The following VIPR2 variants were observed in gnomAD, a reference collection of about 807,000 sequenced individuals.
The protein encoded by VIPR2 is vasoactive intestinal peptide receptor 2, also known as vasoactive intestinal polypeptide receptor 2.
Under a neutral mutation model 58.0 loss-of-function variants are expected in VIPR2, and 48 were observed. That is an observed-to-expected ratio of 0.83 (90% CI 0.66 to 1.05). The LOEUF is 1.05. Ranked by LOEUF, VIPR2 falls within the 50% of genes least tolerant of loss-of-function variation. The pLI is 0.00. For synonymous variants in VIPR2, 243 were observed against 235.2 expected, an observed-to-expected ratio of 1.03 and a Z score of -0.30; for missense variants, 534 against 558.0, an observed-to-expected ratio of 0.96 and a Z score of 0.43.
chr7:159,117,605 G>A (rs1416570227), intron 2 of VIPR2, among the ~76,000 whole-genome samples: 6 of 152,216 alleles, frequency 3.9e-5, no homozygotes, highest in East Asian at 1.9e-4. Flanking sequence ...AGCTCTGGGA[G>A]GTGGTGCCCT....
intron 4 of VIPR2, among the ~76,000 whole-genome samples, chr7:159,069,133 G>T (rs1188111387): frequency 6.6e-6 from 1 of 152,150 alleles, no homozygotes; most frequent in Non-Finnish European, 1.5e-5. Context: ...CAGGCTCCTG[G>T]CTGTGCGGTG....
At chr7:159,137,625 T>G (rs187319235) in intron 2 of VIPR2, among the ~76,000 whole-genome samples, 1 of 152,268 alleles carries the variant, frequency 6.6e-6, no homozygotes. Flanking sequence ...CCTGCCTCGA[T>G]CTCCCAAAGT....
chr7:159,034,157 T>C (rs1853763311), intron 10 of VIPR2, 56 bp downstream of exon 10: 13 of 1,569,184 alleles, frequency 8.3e-6, no homozygotes, highest in Non-Finnish European at 1.1e-5. Context: ...CGTGGGGGTC[T>C]CCTGTCTCCA....
intron 2 of VIPR2, among the ~76,000 whole-genome samples, chr7:159,112,764 A>C (rs1380355315): frequency 8.6e-5 from 11 of 127,688 alleles, no homozygotes; most frequent in East Asian, 2.9e-4. Context: ...TGTGAGAAGG[A>C]GGCTCATGGC....
intron 2 of VIPR2, among the ~76,000 whole-genome samples, chr7:159,116,305 T>C (rs778646227): frequency 1.3e-5 from 2 of 152,194 alleles, no homozygotes; most frequent in Non-Finnish European, 2.9e-5. Context: ...TAGCCACACA[T>C]AACCAGGAGC....
At chr7:159,090,009 G>A (rs925981610) in intron 4 of VIPR2, among the ~76,000 whole-genome samples, 1 of 152,234 alleles carries the variant, frequency 6.6e-6, no homozygotes, top group Non-Finnish European at 1.5e-5. Context: ...AGACATGCTG[G>A]GATCACGCAC....
intron 4 of VIPR2, among the ~76,000 whole-genome samples, chr7:159,094,845 C>T (rs1857736974): frequency 1.3e-5 from 2 of 152,156 alleles, no homozygotes; most frequent in Non-Finnish European, 2.9e-5. Context: ...GAAACAGAGA[C>T]ATTTGGAGCT....
intron 5 of VIPR2, among the ~76,000 whole-genome samples, chr7:159,043,429 A>G (rs1438868475): frequency 2.0e-5 from 3 of 152,266 alleles, no homozygotes; most frequent in Non-Finnish European, 4.4e-5. Context: ...TAGCAAATAC[A>G]TACTGAATTT....
In VIPR2 at chr7:159,129,896, GGGGGGGACAGGGCT is replaced by G. The variant is rs1796823215; in HGVS notation, c.151+12536_151+12549del. On this transcript the variant is annotated intron_variant, in intron 2 of 12. Coordinates refer to ENST00000262178, the MANE Select transcript of VIPR2 (RefSeq NM_003382.5). Reference sequence around the variant, plus strand: ...ACTCTGTTCCCTCAAACTGGCCTCTGGGGGGGACAGGGCTGGGGGGACAGGGCCAGGTGACCAGC... The same window carrying G: ...ACTCTGTTCCCTCAAACTGGCCTCTGGGGGGGACAGGGCCAGGTGACCAGC... Among the ~76,000 whole-genome samples, 5 of 86,188 alleles carry G rather than the reference GGGGGGGACAGGGCT, an allele frequency of 5.8e-5. 1 individual carries two copies. The highest frequency in any genetic ancestry group is 2.6e-4 in the African/African-American group (3 of 11,680). The allele number at this position is 86,188 out of a possible 152,430, so 56.5% of individuals were successfully genotyped here. A position where few individuals can be genotyped will look rare whatever the true frequency, so the allele number is the denominator to read the frequency against.
chr7:159,065,072 C>T (rs530763731), intron 4 of VIPR2, among the ~76,000 whole-genome samples: 1 of 152,296 alleles, frequency 6.6e-6, no homozygotes, highest in Non-Finnish European at 1.5e-5. Context: ...AATCACAACA[C>T]GGTGTTGGAA....
rs572989961 is a variant in VIPR2, at chr7:159,102,479, T to C, written c.357+1278A>G. 2.0e-5 allele frequency among the ~76,000 whole-genome samples: 3 copies of C among 152,346 alleles called. No individual in the cohort carries two copies. The East Asian group carries it at 5.8e-4, about 29-fold the overall frequency. ...ATCAGCAGTGTGATAATGACCCATA[T>C]ACCATGGGTCAGGAGTTTTACCTTC... On this transcript the variant is annotated intron_variant, in intron 4 of 12. Coordinates refer to ENST00000262178, the MANE Select transcript of VIPR2 (RefSeq NM_003382.5).
Position 159,095,372 on chromosome 7 carries a change from C to A in VIPR2, c.357+8385G>T, listed in dbSNP as rs149836365. Among the ~76,000 whole-genome samples, 1 of 152,250 alleles carries A rather than the reference C, an allele frequency of 6.6e-6. No individual in the cohort carries two copies. Among genetic ancestry groups the A allele is most frequent in the East Asian group, 1.9e-4 (1 of 5,174 alleles). On this transcript the variant is annotated intron_variant, in intron 4 of 12. Coordinates refer to ENST00000262178, the MANE Select transcript of VIPR2 (RefSeq NM_003382.5). This position sits in a 1 kb window ranked among gnomAD's most constrained non-coding sequence, Gnocchi z 5.2. ...TGAGGGCCGGGCAAATGCTCACAGC[C>A]GGTGACAGGGCTCACAGTCGGGGAA...
intron 2 of VIPR2, among the ~76,000 whole-genome samples, chr7:159,112,792 CCCGGCT>C (rs1478964586): frequency 1.3e-3 from 190 of 148,008 alleles, no homozygotes; most frequent in African/African-American, 1.6e-3. Flanking sequence ...TGGGACGGGA[CCCGGCT>C]GAGAGCCCCG....
chr7:159,055,328 C>T (rs1855249757), intron 5 of VIPR2, among the ~76,000 whole-genome samples: 1 of 152,178 alleles, frequency 6.6e-6, no homozygotes, highest in African/African-American at 2.4e-5. Flanking sequence ...CACCGGGTGG[C>T]TGCAGGGTCC....
At chr7:159,141,339 C>A (rs963811992) in intron 2 of VIPR2, among the ~76,000 whole-genome samples, 3 of 152,256 alleles carry the variant, frequency 2.0e-5, no homozygotes, top group Admixed American at 2.0e-4. Context: ...TCTTTACAGC[C>A]GGAAGAAGCC....
At chr7:159,118,213 C>T (rs1030362647) in intron 2 of VIPR2, among the ~76,000 whole-genome samples, 4 of 152,190 alleles carry the variant, frequency 2.6e-5, no homozygotes, top group African/African-American at 9.6e-5. Flanking sequence ...TTCCCAGCCG[C>T]ATGTCTGAGT....
chr7:159,071,085 C>T (rs1856363781), intron 4 of VIPR2, among the ~76,000 whole-genome samples: 1 of 152,226 alleles, frequency 6.6e-6, no homozygotes, highest in Non-Finnish European at 1.5e-5. Flanking sequence ...TACTGTGTTG[C>T]AGGAGGTGGG....
chr7:159,104,221 C>G (rs534012129), intron 3 of VIPR2, among the ~76,000 whole-genome samples: 1 of 152,324 alleles, frequency 6.6e-6, no homozygotes, highest in African/African-American at 2.4e-5. Flanking sequence ...GCCAGGAGCC[C>G]AGCCTGCCCC....
At chr7:159,078,179 C>A (rs573367967) in intron 4 of VIPR2, among the ~76,000 whole-genome samples, 1 of 152,202 alleles carries the variant, frequency 6.6e-6, no homozygotes, top group South Asian at 2.1e-4. Flanking sequence ...AACTTCCCCC[C>A]CTCATTTTAC....
Sources: gnomAD v4.1 joint callset for allele counts (sites outside exome capture counted in the v4.1 genomes callset) on GRCh38, gnomAD v4.1.1 for gene constraint, Gnocchi (gnomAD v3.1) non-coding constraint, MANE v1.5 for transcripts, NCBI Gene and HGNC (gene_info 2026-07-23, HGNC 2026-07-21) for gene names.